Variants in XIRP2 observed in about 807,000 individuals in gnomAD.
XIRP2 encodes the protein xin actin-binding repeat-containing protein 2.
A neutral mutation model predicts 277.0 loss-of-function variants in XIRP2; 236 were observed. The ratio of observed to expected loss-of-function variants is 0.85; its 90% CI spans 0.77 to 0.95. The LOEUF is 0.95. XIRP2 is among the 40% of genes least tolerant of loss of function. The probability of loss-of-function intolerance (pLI) is 0.00; values close to 1 mark genes in which losing one functional copy is unlikely to be tolerated. For missense variants in XIRP2, 4,640 were observed against 4,157.5 expected (o/e 1.12, Z -3.19); for synonymous variants, 1,490 against 1,416.5 (o/e 1.05, Z -1.17).
At chr2:167,024,844 G>A (rs1447183295) in intron 2 of XIRP2, among the ~76,000 whole-genome samples, 1 of 152,156 alleles carries the variant, frequency 6.6e-6, no homozygotes, top group East Asian at 1.9e-4. Flanking sequence ...TGTGCTGCTG[G>A]ATTTGGTTTG....
Position 167,247,599 on chromosome 2 carries a change from A to G in XIRP2, c.6207A>G (p.Thr2069=). ...GDKTGVWTDT[T]GEQHLRDEYM... ...AAACGGGTGTCTGGACTGATACTACAGGAGAACAGCATCTTAGAGATGAAT... is the reference window on the plus strand; with the variant it reads ...AAACGGGTGTCTGGACTGATACTACGGGAGAACAGCATCTTAGAGATGAAT... Residue 2069 remains threonine, a synonymous_variant, in exon 9 of 11, where the codon ACA becomes ACG. Transcript: ENST00000409195. 1 of 1,613,772 alleles carries G rather than the reference A, an allele frequency of 6.2e-7. No homozygotes were observed. Among genetic ancestry groups the G allele is most frequent in the Non-Finnish European group, 8.5e-7 (1 of 1,179,776 alleles).
At chr2:167,002,260 C>T (rs1426323557) in intron 2 of XIRP2, among the ~76,000 whole-genome samples, 1 of 151,984 alleles carries the variant, frequency 6.6e-6, no homozygotes, top group Non-Finnish European at 1.5e-5. Flanking sequence ...AGGGCAGAGC[C>T]AGTTATGCCC....
At chr2:166,959,055 C>A (rs1453905085) in intron 2 of XIRP2, among the ~76,000 whole-genome samples, 1 of 151,784 alleles carries the variant, frequency 6.6e-6, no homozygotes, top group Non-Finnish European at 1.5e-5. Flanking sequence ...AAAGTAGGAA[C>A]ATTCCTGGAA....
At chr2:167,220,729 A>G (rs1694399216) in intron 5 of XIRP2, among the ~76,000 whole-genome samples, 1 of 152,200 alleles carries the variant, frequency 6.6e-6, no homozygotes. Flanking sequence ...TGCTGTAGCA[A>G]GAGGATGCTG....
intron 3 of XIRP2, among the ~76,000 whole-genome samples, chr2:167,187,709 G>C (rs184294417): frequency 5.9e-4 from 90 of 152,148 alleles, no homozygotes; most frequent in African/African-American, 2.0e-3. Flanking sequence ...ATAAAATTTA[G>C]AGCTTCATAT....
At chr2:167,023,880 C>A (rs1688062171) in intron 2 of XIRP2, among the ~76,000 whole-genome samples, 1 of 152,146 alleles carries the variant, frequency 6.6e-6, no homozygotes, top group Non-Finnish European at 1.5e-5. Flanking sequence ...AATTTGAAGT[C>A]AGGTAGCGTG....
intron 2 of XIRP2, among the ~76,000 whole-genome samples, chr2:167,062,102 A>T (rs1255409381): frequency 6.6e-6 from 1 of 152,132 alleles, no homozygotes; most frequent in Non-Finnish European, 1.5e-5. Flanking sequence ...TTTATCTTAT[A>T]GTCTGGCAAT....
chr2:166,902,406 G>T (rs1418736431), intron 1 of XIRP2, among the ~76,000 whole-genome samples: 1 of 152,028 alleles, frequency 6.6e-6, no homozygotes, highest in Non-Finnish European at 1.5e-5. Context: ...TGGAGCTATT[G>T]TGTTAGGTGA....
Position 166,946,101 on chromosome 2 carries a change from T to C in XIRP2, c.408+42211T>C, listed in dbSNP as rs1458884288. ...CAAAACTCTCACAGATGAGAAGATCTTCATCCTGTGTTTGCTCACAGAATA... is the reference window on the plus strand; with the variant it reads ...CAAAACTCTCACAGATGAGAAGATCCTCATCCTGTGTTTGCTCACAGAATA... On this transcript the variant is annotated intron_variant, in intron 2 of 10. Coordinates refer to ENST00000409195, the MANE Select transcript of XIRP2 (RefSeq NM_152381.6). Among the ~76,000 whole-genome samples the C allele has an allele frequency of 2.6e-5, 4 of 152,186 alleles. No individual in the cohort carries two copies. The East Asian group carries it at 7.7e-4, about 29-fold the overall frequency.
In XIRP2 at chr2:167,251,872, C is replaced by G; in HGVS notation, c.10480C>G (p.Leu3494Val). ...WQESGRVFKG[L>V]GYATADASAT... ...AGAGAGTGGAAGAGTTTTTAAAGGC[C>G]TGGGATATGCAACCGCAGATGCTTC... Residue 3494 changes from leucine to valine, a missense_variant, in exon 9 of 11, where the codon CTG becomes GTG. Leu to Val is a conservative substitution (Grantham distance 32). Coordinates refer to ENST00000409195, the MANE Select transcript of XIRP2 (RefSeq NM_152381.6). 1.9e-6 allele frequency: 3 copies of G among 1,608,526 alleles called. No individual in the cohort carries two copies. Among genetic ancestry groups the G allele is most frequent in the Non-Finnish European group, 2.5e-6 (3 of 1,177,998 alleles).
At chr2:167,012,757 T>A (rs1687717891) in intron 2 of XIRP2, among the ~76,000 whole-genome samples, 1 of 151,612 alleles carries the variant, frequency 6.6e-6, no homozygotes, top group Non-Finnish European at 1.5e-5. Context: ...TTTTAGAGAT[T>A]CAGACTAAGA....
intron 7 of XIRP2, among the ~76,000 whole-genome samples, chr2:167,241,354 T>A (rs1039028944): frequency 6.6e-6 from 1 of 152,222 alleles, no homozygotes; most frequent in Non-Finnish European, 1.5e-5. Context: ...TCTTGTTTTA[T>A]ACATTTTATT....
chr2:166,997,645 G>A (rs956013897), intron 2 of XIRP2, among the ~76,000 whole-genome samples: 7 of 152,148 alleles, frequency 4.6e-5, no homozygotes, highest in South Asian at 2.1e-4. Flanking sequence ...AGTGGCTCAC[G>A]CCTGTAATCT....
At chr2:166,938,758 G>T (rs1363228741) in intron 2 of XIRP2, among the ~76,000 whole-genome samples, 1 of 152,168 alleles carries the variant, frequency 6.6e-6, no homozygotes, top group East Asian at 1.9e-4. Context: ...CTAAGGAATT[G>T]CTTTATGAAT....
chr2:167,145,031 A>G (rs1691825039), intron 3 of XIRP2, among the ~76,000 whole-genome samples: 1 of 152,200 alleles, frequency 6.6e-6, no homozygotes, highest in African/African-American at 2.4e-5. Context: ...TACTGCATCA[A>G]AAGATAACCT....
chr2:167,102,225 TAGAATC>T (rs1478122296), intron 2 of XIRP2, among the ~76,000 whole-genome samples: 1 of 152,196 alleles, frequency 6.6e-6, no homozygotes, highest in Non-Finnish European at 1.5e-5. Context: ...ACAGCATTGT[TAGAATC>T]AGAGACCAGG....
chr2:167,134,788 T>C (rs1179293375), intron 2 of XIRP2, among the ~76,000 whole-genome samples: 2 of 152,070 alleles, frequency 1.3e-5, no homozygotes, highest in African/African-American at 2.4e-5. Context: ...GTAATAAAAG[T>C]TAAATAAGAG....
chr2:167,171,687 T>C (rs762610947), intron 3 of XIRP2, among the ~76,000 whole-genome samples: 11 of 152,170 alleles, frequency 7.2e-5, no homozygotes, highest in African/African-American at 9.7e-5. Flanking sequence ...TGAATTTATT[T>C]CTTCCTTAGT....
Position 167,247,905 on chromosome 2 carries a change from A to G in XIRP2, c.6513A>G (p.Pro2171=). The G allele has an allele frequency of 6.2e-7, 1 of 1,613,418 alleles. No individual in the cohort carries two copies. The highest frequency in any genetic ancestry group is 8.5e-7 in the Non-Finnish European group (1 of 1,179,748). ...PSPTQHPVSM[P]VGGTYDLSGD... Reference sequence around the variant, plus strand: ...CCACCCAGCATCCAGTCAGCATGCCAGTTGGAGGAACTTACGACCTTTCAG... The same window carrying G: ...CCACCCAGCATCCAGTCAGCATGCCGGTTGGAGGAACTTACGACCTTTCAG... Residue 2171 remains proline (P), a synonymous_variant, in exon 9 of 11, where the codon CCA becomes CCG. Transcript: ENST00000409195.
Sources: gnomAD v4.1 joint callset for allele counts (sites outside exome capture counted in the v4.1 genomes callset) on GRCh38, gnomAD v4.1.1 for gene constraint, MANE v1.5 for transcripts, NCBI Gene and HGNC (gene_info 2026-07-23, HGNC 2026-07-21) for gene names.